Variants in TSPEAR observed in about 807,000 individuals in gnomAD.
The protein encoded by TSPEAR is thrombospondin type laminin G domain and EAR repeats.
A neutral mutation model predicts 71.6 loss-of-function variants in TSPEAR; 69 were observed. The observed-to-expected ratio is 0.96, with a 90% CI of 0.79 to 1.18. TSPEAR has a LOEUF of 1.18. TSPEAR is among the 50% of genes most tolerant of loss of function. The pLI is 0.00. For synonymous variants in TSPEAR, 402 were observed against 387.2 expected, an observed-to-expected ratio of 1.04 and a Z score of -0.45; for missense variants, 971 against 894.9, an observed-to-expected ratio of 1.09 and a Z score of -1.09.
At chr21:44,589,229 T>C (rs114541304) in intron 1 of TSPEAR, among the ~76,000 whole-genome samples, 3,220 of 152,362 alleles carry the variant, frequency 0.021, 99 homozygotes, top group African/African-American at 0.073. Flanking sequence ...CATCATGCTT[T>C]CAAGGCTCAT....
At chr21:44,664,551 A>G (rs587764625) in intron 1 of TSPEAR, among the ~76,000 whole-genome samples, 2 of 152,334 alleles carry the variant, frequency 1.3e-5, no homozygotes, top group Admixed American at 6.5e-5. Flanking sequence ...GTAGATATTG[A>G]TAAGCTTATT....
intron 1 of TSPEAR, chr21:44,702,697 C>T (rs1555951722): frequency 2.0e-6 from 3 of 1,521,918 alleles, no homozygotes; most frequent in East Asian, 2.3e-5. Flanking sequence ...CTCCTGCCAG[C>T]CCAGCTGCTG....
chr21:44,553,296 G>A (rs914452380), intron 2 of TSPEAR, among the ~76,000 whole-genome samples: 3 of 152,084 alleles, frequency 2.0e-5, no homozygotes, highest in African/African-American at 4.8e-5. Context: ...GAAGCCAGCC[G>A]GTCTGTACAT....
chr21:44,517,583 C>T (rs1403625528), intron 9 of TSPEAR: 2 of 358,550 alleles, frequency 5.6e-6, no homozygotes, highest in Non-Finnish European at 1.1e-5. Flanking sequence ...GGGCTGTGAG[C>T]ACAGGTCAGG....
intron 2 of TSPEAR, among the ~76,000 whole-genome samples, chr21:44,555,364 C>G (rs1323973436): frequency 6.6e-6 from 1 of 151,950 alleles, no homozygotes; most frequent in Admixed American, 6.5e-5. Flanking sequence ...AGAGCCTCCT[C>G]TCCCATCCTC....
chr21:44,588,088 A>G (rs1367522905), intron 1 of TSPEAR, among the ~76,000 whole-genome samples: 2 of 152,244 alleles, frequency 1.3e-5, no homozygotes, highest in Non-Finnish European at 2.9e-5. Context: ...TAAACAGACA[A>G]CCCACACAGT....
chr21:44,580,226 G>T, intron 1 of TSPEAR: 2 of 1,614,062 alleles, frequency 1.2e-6, no homozygotes. Context: ...ACAGCAAGTT[G>T]GCTGGCAGCT....
At position 44,569,578 on chromosome 21, in the gene TSPEAR, C is replaced by A. The variant is rs587739206; in HGVS notation, c.83-1573G>T. Among the ~76,000 whole-genome samples the A allele has an allele frequency of 7.9e-5, 12 of 152,194 alleles. No homozygotes were observed. The South Asian group carries it at 2.5e-3, about 32-fold the overall frequency. On this transcript the variant is annotated intron_variant, in intron 1 of 11. Transcript: ENST00000323084. ...CAGCACCAGAGAGTTTGGGGACATG[C>A]AGATGGAGGGAGCACAGTGAAGAAA... is the stretch of plus-strand genomic sequence containing the variant.
chr21:44,612,557 T>A lies in TSPEAR; in HGVS notation c.83-44552A>T. ...ATGCTGCCAGCAGTCTAGCTGCCAG[T>A]CAGCTTGCTGCACCTTCTCCCCATG... On this transcript the variant is annotated intron_variant, in intron 1 of 11. Transcript: ENST00000323084. The surrounding 1 kb of genome is among the most constrained non-coding windows in gnomAD (Gnocchi z 4.1). The A allele has an allele frequency of 6.2e-7, 1 of 1,612,086 alleles. No homozygotes were observed. Among genetic ancestry groups the A allele is most frequent in the East Asian group, 2.2e-5 (1 of 44,800 alleles).
chr21:44,517,625 T>G, intron 9 of TSPEAR: 1 of 387,496 alleles, frequency 2.6e-6, no homozygotes, highest in South Asian at 1.9e-5. Flanking sequence ...CCACCGTGTG[T>G]GCTCCTTGTC....
chr21:44,645,212 A>G (rs1182916046), intron 1 of TSPEAR, among the ~76,000 whole-genome samples: 3 of 152,248 alleles, frequency 2.0e-5, no homozygotes, highest in Admixed American at 1.3e-4. Context: ...GAAATAATCC[A>G]GAGTGCAGCT....
At chr21:44,700,477 G>A (rs1322623322) in intron 1 of TSPEAR, among the ~76,000 whole-genome samples, 1 of 152,214 alleles carries the variant, frequency 6.6e-6, no homozygotes, top group Non-Finnish European at 1.5e-5. Flanking sequence ...AGACTTCCCA[G>A]AACCCCCCTT....
chr21:44,675,912 C>T lies in TSPEAR; in HGVS notation c.82+35521G>A, dbSNP rs1323176906. On this transcript the variant is annotated intron_variant, in intron 1 of 11. Transcript: ENST00000323084. ...GTGGTTCTTGTGCCTACGGCGCTGG[C>T]ATATGCTGTCAGGATTTCCATTATC... 6 of 767,828 alleles carry T rather than the reference C, an allele frequency of 7.8e-6. No homozygotes were observed. In the East Asian group the frequency reaches 9.8e-5, roughly 13 times the overall value. 47.6% of individuals were successfully genotyped at this position (767,828 alleles called of 1,614,324 possible). A position where few individuals can be genotyped will look rare whatever the true frequency, so the allele number is the denominator to read the frequency against.
At chr21:44,515,243 G>A in intron 9 of TSPEAR, among the ~76,000 whole-genome samples, 1 of 152,272 alleles carries the variant, frequency 6.6e-6, no homozygotes, top group Non-Finnish European at 1.5e-5. Context: ...GGCTTTGTGA[G>A]TTTTGAGGAA....
chr21:44,666,652 T>C (rs1289090927), intron 1 of TSPEAR: 2 of 1,611,656 alleles, frequency 1.2e-6, no homozygotes, highest in African/African-American at 2.7e-5. Flanking sequence ...GACTGGCAGC[T>C]CACGGGCACG....
chr21:44,551,177 G>A (rs1423679246), intron 2 of TSPEAR: 3 of 1,568,210 alleles, frequency 1.9e-6, no homozygotes, highest in Non-Finnish European at 2.6e-6. Flanking sequence ...CCTGCTGGCA[G>A]GGGGAGGAGG....
At chr21:44,651,989 T>C (rs1019102108) in intron 1 of TSPEAR, among the ~76,000 whole-genome samples, 4 of 101,446 alleles carry the variant, frequency 3.9e-5, no homozygotes, top group Non-Finnish European at 7.0e-5. Flanking sequence ...CTTTTTTTTT[T>C]TTTTTTTTTT....
intron 1 of TSPEAR, among the ~76,000 whole-genome samples, chr21:44,594,423 C>T (rs1216375870): frequency 1.3e-5 from 2 of 152,164 alleles, no homozygotes; most frequent in African/African-American, 4.8e-5. Flanking sequence ...GGATAAATTG[C>T]TTGTTGAAAG....
In TSPEAR at chr21:44,667,332, C is replaced by T. The variant is rs142295693; in HGVS notation, c.82+44101G>A. Among the ~76,000 whole-genome samples the T allele has an allele frequency of 3.7e-4, 56 of 152,208 alleles. No homozygotes were observed. The South Asian group carries it at 4.8e-3, about 13-fold the overall frequency. ...ACAGTCAATGTGAGGTAGAACAGGA[C>T]GTGTCTAGCTGATCTGTGGGTGTCC... On this transcript the variant is annotated intron_variant, in intron 1 of 11. Transcript: ENST00000323084.
Sources: gnomAD v4.1 joint callset for allele counts (sites outside exome capture counted in the v4.1 genomes callset) on GRCh38, gnomAD v4.1.1 for gene constraint, Gnocchi (gnomAD v3.1) non-coding constraint, MANE v1.5 for transcripts, NCBI Gene and HGNC (gene_info 2026-07-23, HGNC 2026-07-21) for gene names.